LIPH: variants seen among roughly 807,000 people sequenced by gnomAD.
LIPH encodes the protein lipase member H.
A neutral mutation model predicts 47.6 loss-of-function variants in LIPH; 32 were observed. The observed-to-expected ratio is 0.67, with a 90% confidence interval of 0.51 to 0.90. LIPH has a LOEUF of 0.90. Among genes scored for constraint, LIPH ranks in the 40% least tolerant of loss-of-function variants. LIPH has a pLI of 0.00. For missense variants in LIPH, 497 were observed against 541.4 expected, an observed-to-expected ratio of 0.92 and a Z score of 0.81; for synonymous variants, 190 against 195.6, an observed-to-expected ratio of 0.97 and a Z score of 0.24.
At chr3:185,535,439 G>A (rs1055523251) in intron 1 of LIPH, among the ~76,000 whole-genome samples, 1 of 151,964 alleles carries the variant, frequency 6.6e-6, no homozygotes, top group East Asian at 1.9e-4. Context: ...CATCATGCCC[G>A]CTAATTTGTG....
At chr3:185,521,217 A>G (rs1009652275) in intron 5 of LIPH, among the ~76,000 whole-genome samples, 2 of 152,074 alleles carry the variant, frequency 1.3e-5, no homozygotes, top group African/African-American at 2.4e-5. Context: ...TGCTTTTCTC[A>G]ATGTATGGAC....
rs1437726692 is a variant in LIPH, at chr3:185,531,571, AAAG to A, written c.526+1997_526+1999del. On this transcript the variant is annotated intron_variant, in intron 3 of 9. Transcript: ENST00000296252. ...GACTCTGTCTCAAAAAAAAAAAAAA[AAAG>A]AAGAAGACTTATAAAAGGACTCCTA... Among the ~76,000 whole-genome samples the A allele has an allele frequency of 3.3e-4, 50 of 151,304 alleles. No homozygotes were observed. In the East Asian group the frequency reaches 3.5e-3, roughly 11 times the overall value.
At position 185,508,613 on chromosome 3, in the gene LIPH, C is replaced by T. The variant is rs568316893; in HGVS notation, c.*177G>A. On this transcript the variant is annotated 3_prime_UTR_variant, in exon 10 of 10. Transcript: ENST00000296252. ...CTAGTTAGGGGCTCCTTCCCAGGAT[C>T]GTTTTATAATCACAAGGTTGTTTGA... The T allele has an allele frequency of 3.2e-6, 2 of 625,302 alleles. No individual in the cohort carries two copies. The highest frequency in any genetic ancestry group is 3.7e-5 in the South Asian group (2 of 54,332). The allele number at this position is 625,302 out of a possible 1,614,324, so 38.7% of individuals were successfully genotyped here.
intron 1 of LIPH, among the ~76,000 whole-genome samples, chr3:185,551,130 C>T (rs1463755509): frequency 1.2e-4 from 18 of 152,066 alleles, no homozygotes; most frequent in Admixed American, 5.9e-4. Flanking sequence ...GCCGAGATCA[C>T]GCCACTGCAC....
At chr3:185,530,975 C>T (rs540035512) in intron 3 of LIPH, among the ~76,000 whole-genome samples, 2 of 152,262 alleles carry the variant, frequency 1.3e-5, no homozygotes, top group South Asian at 4.1e-4. Flanking sequence ...AGAGTGATAA[C>T]GGTGCTCTTA....
chr3:185,531,741 A>G (rs999528357), intron 3 of LIPH, among the ~76,000 whole-genome samples: 4 of 151,974 alleles, frequency 2.6e-5, no homozygotes, highest in African/African-American at 9.7e-5. Context: ...AAATAAATAG[A>G]TGGCTCCTGA....
chr3:185,528,939 G>A (rs902917391), intron 3 of LIPH, among the ~76,000 whole-genome samples: 5 of 150,642 alleles, frequency 3.3e-5, no homozygotes, highest in East Asian at 1.9e-4. Flanking sequence ...CGAGGTGGGC[G>A]GATCACGAGG....
Position 185,527,505 on chromosome 3 carries a change from C to A in LIPH, c.607G>T (p.Val203Phe), listed in dbSNP as rs372971860. ...LDPSDAQFVD[V>F]IHSDTDALGY... ...TTACCATCAGTGTCGGAATGGATGACATCAACAAACTGCGCATCACTGGGA... is the reference window on the plus strand; with the variant it reads ...TTACCATCAGTGTCGGAATGGATGAAATCAACAAACTGCGCATCACTGGGA... The change falls in exon 4 of 10, where the codon GTC becomes TTC. Residue 203 changes from valine to phenylalanine, a missense_variant. Coordinates refer to ENST00000296252, the MANE Select transcript of LIPH (RefSeq NM_139248.3). 1 of 1,612,562 alleles carries A rather than the reference C, an allele frequency of 6.2e-7. No individual in the cohort carries two copies. The highest frequency in any genetic ancestry group is 8.5e-7 in the Non-Finnish European group (1 of 1,179,330).
chr3:185,511,896 G>A (rs1351579318), intron 8 of LIPH, among the ~76,000 whole-genome samples, 199 bp from the exon 9 acceptor site: 1 of 147,820 alleles, frequency 6.8e-6, no homozygotes, highest in Non-Finnish European at 1.5e-5. Flanking sequence ...CCAAGAACTA[G>A]TCAACTTTGA....
intron 3 of LIPH, among the ~76,000 whole-genome samples, chr3:185,530,133 G>A (rs918864827): frequency 2.0e-5 from 3 of 152,042 alleles, no homozygotes. Context: ...TGCTGTGATT[G>A]CACCACTGCA....
chr3:185,529,193 G>GAA (rs57278879), intron 3 of LIPH, among the ~76,000 whole-genome samples: 36 of 116,890 alleles, frequency 3.1e-4, no homozygotes, highest in African/African-American at 9.2e-4. Flanking sequence ...AAAAAAAAAA[G>GAA]AAAAAAAGAA....
intron 4 of LIPH, among the ~76,000 whole-genome samples, chr3:185,525,898 G>T (rs188369743): frequency 6.6e-6 from 1 of 152,258 alleles, no homozygotes; most frequent in African/African-American, 2.4e-5. Context: ...GATGGCAAGG[G>T]TTTTTTTAGG....
Position 185,512,413 on chromosome 3 carries a change from T to G in LIPH, c.1095-716A>C, listed in dbSNP as rs548469060. On this transcript the variant is annotated intron_variant, in intron 8 of 9. Transcript: ENST00000296252. ...CACTGGAGAGGTTCAGCTCACTCAC[T>G]GTCTTTCTGGGGAGGTGGAAGAACC... is the stretch of plus-strand genomic sequence containing the variant. Among the ~76,000 whole-genome samples the G allele has an allele frequency of 1.4e-3, 206 of 151,948 alleles. 1 individual carries two copies. Among genetic ancestry groups the G allele is most frequent in the Non-Finnish European group, 2.5e-3 (173 of 67,966 alleles).
chr3:185,538,042 A>G (rs1720554895), intron 1 of LIPH, among the ~76,000 whole-genome samples: 1 of 152,120 alleles, frequency 6.6e-6, no homozygotes, highest in Non-Finnish European at 1.5e-5. Flanking sequence ...CCTGGGCTCA[A>G]GTGATCCACT....
intron 1 of LIPH, 132 bp from the exon 2 acceptor site, chr3:185,535,264 G>A: frequency 2.9e-6 from 3 of 1,037,322 alleles, no homozygotes; most frequent in East Asian, 2.4e-5. Context: ...GGATCCAGTT[G>A]AATGAAGTTG....
chr3:185,510,136 A>AT, intron 9 of LIPH, among the ~76,000 whole-genome samples: 1 of 152,026 alleles, frequency 6.6e-6, no homozygotes, highest in African/African-American at 2.4e-5. Context: ...TTTGGTAGAG[A>AT]CGGGGTTTCA....
chr3:185,508,737 C>A lies in LIPH; in HGVS notation c.*53G>T, dbSNP rs1719460156. 7.8e-7 allele frequency: 1 copy of A among 1,286,762 alleles called. No individual in the cohort carries two copies. Among genetic ancestry groups the A allele is most frequent in the African/African-American group, 1.5e-5 (1 of 68,566 alleles). 79.7% of individuals were successfully genotyped at this position (1,286,762 alleles called of 1,614,324 possible). On this transcript the variant is annotated 3_prime_UTR_variant, in exon 10 of 10. Transcript: ENST00000296252. ...AAGGTGAGGTGAAGCTTTCAAACAG[C>A]CTGTGGTTGTAGCTTTCTTTCTATT...
intron 1 of LIPH, among the ~76,000 whole-genome samples, chr3:185,543,709 A>G (rs1329113215): frequency 1.3e-5 from 2 of 152,234 alleles, no homozygotes; most frequent in Non-Finnish European, 2.9e-5. Context: ...GCAAGACTCC[A>G]TAACTATTTT....
chr3:185,552,123 C>G (rs1235787235), intron 1 of LIPH, among the ~76,000 whole-genome samples: 1 of 151,644 alleles, frequency 6.6e-6, no homozygotes, highest in Non-Finnish European at 1.5e-5. Context: ...AATAAGACTT[C>G]TAGATTTTTC....
Sources: allele counts gnomAD v4.1 joint callset (sites outside exome capture counted in the v4.1 genomes callset), GRCh38; gene constraint gnomAD v4.1.1; transcripts MANE v1.5; gene names NCBI Gene and HGNC (gene_info 2026-07-23, HGNC 2026-07-21).